The following FBXW10B variants were observed in gnomAD, a reference collection of about 807,000 sequenced individuals.
FBXW10B encodes F-box and WD repeat domain containing 10B.
At chr17:15,604,513 G>A in the FBXW10B span, among the ~76,000 whole-genome samples, 8 of 152,050 alleles carry the variant, frequency 5.3e-5, no homozygotes, top group Non-Finnish European at 1.2e-4. Flanking sequence ...TTGTTATATT[G>A]TTTAAAAATA....
the FBXW10B span, among the ~76,000 whole-genome samples, chr17:15,600,974 C>G: frequency 4.1e-5 from 5 of 123,156 alleles, no homozygotes; most frequent in Non-Finnish European, 8.0e-5. Context: ...TCCTTTGAAT[C>G]AGGGAGTCGG....
the FBXW10B span, among the ~76,000 whole-genome samples, chr17:15,595,426 G>T: frequency 1.3e-5 from 2 of 152,200 alleles, no homozygotes; most frequent in African/African-American, 2.4e-5. Context: ...CTCTCTCTCG[G>T]GTTAAGGAGG....
chr17:15,567,446 G>C, the FBXW10B span, among the ~76,000 whole-genome samples: 1 of 151,862 alleles, frequency 6.6e-6, no homozygotes, highest in Non-Finnish European at 1.5e-5. Context: ...TTCCAAGTTA[G>C]TATATACAGA....
At chr17:15,584,814 A>C in the FBXW10B span, among the ~76,000 whole-genome samples, 1 of 152,180 alleles carries the variant, frequency 6.6e-6, no homozygotes, top group African/African-American at 2.4e-5. Context: ...TGTGACTTCA[A>C]CAAAGGTCAG....
At chr17:15,600,149 G>A in the FBXW10B span, among the ~76,000 whole-genome samples, 1,185 of 151,678 alleles carry the variant, frequency 7.8e-3, 14 homozygotes, top group African/African-American at 0.027. Context: ...CTGGGAGGCG[G>A]AGCTTGCAGT....
At chr17:15,592,225 T>C in the FBXW10B span, among the ~76,000 whole-genome samples, 1 of 152,028 alleles carries the variant, frequency 6.6e-6, no homozygotes, top group African/African-American at 2.4e-5. Flanking sequence ...AAATCCCTTT[T>C]AGACTTCCGT....
the FBXW10B span, chr17:15,588,322 T>A: frequency 2.0e-3 from 340 of 170,510 alleles, 7 homozygotes; most frequent in Admixed American, 0.015. Context: ...TTGCTACTCA[T>A]GATCACTAAT....
At chr17:15,613,641 T>G in the FBXW10B span, 35 of 1,587,174 alleles carry the variant, frequency 2.2e-5, no homozygotes, top group Admixed American at 2.7e-4. Context: ...TGGTTCTGAA[T>G]GAAGCCGTGC....
chr17:15,606,926 A>G, the FBXW10B span, among the ~76,000 whole-genome samples: 5 of 152,214 alleles, frequency 3.3e-5, no homozygotes, highest in Non-Finnish European at 5.9e-5. Flanking sequence ...TTGTGAATAT[A>G]AAGTGAAGTC....
chr17:15,619,321 T>C, the FBXW10B span: 7 of 1,613,772 alleles, frequency 4.3e-6, no homozygotes, highest in Non-Finnish European at 5.1e-6. Context: ...ATAAGCTATT[T>C]AACTGCTTCA....
At chr17:15,583,484 A>C in the FBXW10B span, among the ~76,000 whole-genome samples, 1 of 148,704 alleles carries the variant, frequency 6.7e-6, no homozygotes, top group African/African-American at 2.4e-5. Flanking sequence ...CCCCAGGACA[A>C]GGACCACACC....
chr17:15,584,199 G>T, the FBXW10B span, among the ~76,000 whole-genome samples: 1 of 152,160 alleles, frequency 6.6e-6, no homozygotes, highest in East Asian at 1.9e-4. Context: ...GAAAAAGACT[G>T]AATGTCTGAA....
the FBXW10B span, among the ~76,000 whole-genome samples, chr17:15,585,186 T>G: frequency 6.6e-6 from 1 of 151,974 alleles, no homozygotes; most frequent in Non-Finnish European, 1.5e-5. Context: ...TTTCTGGGTA[T>G]ATAGGAGATG....
the FBXW10B span, among the ~76,000 whole-genome samples, chr17:15,576,175 T>TTA: frequency 1.9e-4 from 29 of 152,268 alleles, 1 homozygote; most frequent in South Asian, 2.9e-3. Context: ...TTAAGGTATC[T>TTA]TATATATATA....
At chr17:15,592,022 C>T in the FBXW10B span, among the ~76,000 whole-genome samples, 1 of 152,188 alleles carries the variant, frequency 6.6e-6, no homozygotes, top group Non-Finnish European at 1.5e-5. Context: ...ACCAGTTTTA[C>T]AAGCAAGCGG....
At chr17:15,576,854 G>A in the FBXW10B span, among the ~76,000 whole-genome samples, 2 of 149,314 alleles carry the variant, frequency 1.3e-5, no homozygotes, top group African/African-American at 2.5e-5. Flanking sequence ...TTTTAGAAAT[G>A]AAATGAATGG....
the FBXW10B span, among the ~76,000 whole-genome samples, chr17:15,614,727 T>A: frequency 6.6e-6 from 1 of 152,366 alleles, no homozygotes; most frequent in Middle Eastern, 3.4e-3. Context: ...GTTATCATAC[T>A]GTTCTACATA....
chr17:15,602,728 C>T, the FBXW10B span, among the ~76,000 whole-genome samples: 1 of 114,558 alleles, frequency 8.7e-6, no homozygotes. Flanking sequence ...CTGGGGTTCA[C>T]GCCATTCTCC....
At chr17:15,588,990 A>G in the FBXW10B span, 1 of 1,612,512 alleles carries the variant, frequency 6.2e-7, no homozygotes, top group African/African-American at 1.3e-5. Context: ...CACCACTGAA[A>G]AGGATCAGCA....
Sources: allele counts gnomAD v4.1 joint callset (sites outside exome capture counted in the v4.1 genomes callset), GRCh38; gene constraint gnomAD v4.1.1; transcripts MANE v1.5; gene names NCBI Gene and HGNC (gene_info 2026-07-23, HGNC 2026-07-21).